HIBCH: variants seen among roughly 807,000 people sequenced by gnomAD.
The protein encoded by HIBCH is 3-hydroxyisobutyryl-CoA hydrolase, mitochondrial.
Under a neutral mutation model 58.2 loss-of-function variants are expected in HIBCH, and 50 were observed. The ratio of observed to expected loss-of-function variants is 0.86; its 90% confidence interval spans 0.68 to 1.09. The LOEUF (loss-of-function observed/expected upper bound fraction) is 1.09. HIBCH is among the 50% of genes least tolerant of loss of function. The probability of loss-of-function intolerance (pLI) is 0.00; values close to 1 mark genes in which losing one functional copy is unlikely to be tolerated. For missense variants in HIBCH, 450 were observed against 449.7 expected (o/e 1.00, Z -0.01); for synonymous variants, 151 against 146.9 (o/e 1.03, Z -0.20).
intron 11 of HIBCH, among the ~76,000 whole-genome samples, chr2:190,224,385 G>C (rs370002095): frequency 8.5e-5 from 13 of 152,090 alleles, no homozygotes; most frequent in African/African-American, 3.1e-4. Flanking sequence ...GTATTCAGGA[G>C]ACCCATCTCA....
chr2:190,273,218 C>T (rs1480813184), intron 6 of HIBCH, among the ~76,000 whole-genome samples: 1 of 151,878 alleles, frequency 6.6e-6, no homozygotes, highest in African/African-American at 2.4e-5. Context: ...CATGGTGAAA[C>T]CTCAACTCTA....
chr2:190,259,584 A>G (rs1160295758), intron 7 of HIBCH, among the ~76,000 whole-genome samples: 5 of 152,084 alleles, frequency 3.3e-5, no homozygotes, highest in Non-Finnish European at 5.9e-5. Context: ...ACTTGGTTAA[A>G]TTTATTTCTA....
rs3791787 is a variant in HIBCH, at chr2:190,206,447, C to T, written c.1046-1215G>A. On this transcript the variant is annotated intron_variant, in intron 13 of 13. Transcript: ENST00000359678. The surrounding 1 kb of genome is among the most constrained non-coding windows in gnomAD (Gnocchi z 5.1). ...TTGAGATCCCACTGAAGGACAAGAG[C>T]AAAGAGACTATTAATCAAATTTGTT... is the stretch of plus-strand genomic sequence containing the variant. 2.0e-3 allele frequency among the ~76,000 whole-genome samples: 311 copies of T among 152,288 alleles called. 6 individuals carry two copies. In the East Asian group the frequency reaches 0.047, roughly 23 times the overall value.
chr2:190,239,869 C>T (rs572261260), intron 11 of HIBCH, among the ~76,000 whole-genome samples: 14 of 152,188 alleles, frequency 9.2e-5, no homozygotes, highest in East Asian at 3.9e-4. Context: ...AGGCGGGTCT[C>T]GAACTCCTGA....
chr2:190,219,429 T>C (rs1419533434), intron 11 of HIBCH, among the ~76,000 whole-genome samples: 1 of 152,176 alleles, frequency 6.6e-6, no homozygotes, highest in East Asian at 1.9e-4. Flanking sequence ...TGATGCCGCT[T>C]GTTGGCCTCC....
Position 190,243,310 on chromosome 2 carries a change from C to T in HIBCH, c.891+1577G>A, listed in dbSNP as rs2105931742. Among the ~76,000 whole-genome samples the T allele has an allele frequency of 6.6e-6, 1 of 152,324 alleles. No individual in the cohort carries two copies. The highest frequency in any genetic ancestry group is 2.1e-4 in the South Asian group (1 of 4,830). On this transcript the variant is annotated intron_variant, in intron 11 of 13. Coordinates refer to ENST00000359678, the MANE Select transcript of HIBCH (RefSeq NM_014362.4). The surrounding 1 kb of genome is among the most constrained non-coding windows in gnomAD (Gnocchi z 4.1). ...GCCCTTGAACATCAGACCCCAAGTT[C>T]TTCAGTTTTGATACTCAGACTGGTC... is the stretch of plus-strand genomic sequence containing the variant.
rs777484569 is a variant in HIBCH at position 190,294,632 on chromosome 2, T to C, written c.220-2A>G. 4 of 1,597,500 alleles carry C rather than the reference T, an allele frequency of 2.5e-6. No homozygotes were observed. In the East Asian group the frequency reaches 8.9e-5, roughly 36 times the overall value. On this transcript the variant is annotated splice_acceptor_variant, in intron 3 of 13. Coordinates refer to ENST00000359678, the MANE Select transcript of HIBCH (RefSeq NM_014362.4). LOFTEE classifies it high-confidence loss of function. The stretch of plus-strand genomic sequence containing the variant: ...AGTTTCAGGATCTTGTTCCCACTTC[T>C]ATTCAAATGTAACAGAAGATGGTAT...
At chr2:190,292,259 A>G (rs1056435832) in intron 4 of HIBCH, among the ~76,000 whole-genome samples, 2 of 151,632 alleles carry the variant, frequency 1.3e-5, no homozygotes, top group Non-Finnish European at 2.9e-5. Flanking sequence ...GAATTCTGAT[A>G]TCTCTTCCTT....
At chr2:190,202,640 T>G (rs560097625), downstream of HIBCH, 1 of 167,020 alleles carries the variant, frequency 6.0e-6, no homozygotes, top group Non-Finnish European at 1.5e-5. Flanking sequence ...GTAGAAGGAC[T>G]GTCTGAGAAG....
intron 1 of HIBCH, among the ~76,000 whole-genome samples, chr2:190,196,658 G>C (rs549514244): frequency 3.0e-4 from 46 of 151,826 alleles, no homozygotes; most frequent in African/African-American, 1.1e-3. Flanking sequence ...CCTTTAAATG[G>C]TATTGTTTTA....
intron 13 of HIBCH, 196 bp downstream of exon 13, chr2:190,208,684 T>TTTC (rs1690450824): frequency 1.7e-6 from 1 of 579,714 alleles, no homozygotes; most frequent in African/African-American, 1.9e-5. Flanking sequence ...TTTTTTTTTT[T>TTTC]CAGATTTTGG....
At chr2:190,203,103 T>C (rs1359217480), downstream of HIBCH, 1 of 167,122 alleles carries the variant, frequency 6.0e-6, no homozygotes, top group Non-Finnish European at 1.5e-5. Flanking sequence ...GATACGCATA[T>C]ATCCTACTCA....
At chr2:190,200,383 T>C (rs967979746), downstream of HIBCH, 2 of 459,730 alleles carry the variant, frequency 4.4e-6, no homozygotes, top group Non-Finnish European at 8.1e-6. Flanking sequence ...AGAGGTCCTG[T>C]GACACCCAAT....
intron 9 of HIBCH, among the ~76,000 whole-genome samples, chr2:190,249,056 A>G (rs549194688): frequency 4.6e-5 from 7 of 152,090 alleles, no homozygotes; most frequent in Non-Finnish European, 1.0e-4. Flanking sequence ...AAGCTTCCAA[A>G]ATACTAACAT....
chr2:190,299,151 T>C (rs1374469991), intron 2 of HIBCH, among the ~76,000 whole-genome samples: 1 of 152,208 alleles, frequency 6.6e-6, no homozygotes, highest in Non-Finnish European at 1.5e-5. Context: ...AAATTTTAAC[T>C]GGAGAATGCC....
At chr2:190,239,957 A>T (rs947840647) in intron 11 of HIBCH, among the ~76,000 whole-genome samples, 4 of 151,466 alleles carry the variant, frequency 2.6e-5, no homozygotes, top group African/African-American at 9.7e-5. Context: ...GCCTTGAAAT[A>T]TTTTTTTATT....
At chr2:190,274,744 CAACTCGAAAGGATGT>C (rs1687500804) in intron 6 of HIBCH, among the ~76,000 whole-genome samples, 1 of 152,158 alleles carries the variant, frequency 6.6e-6, no homozygotes, top group Admixed American at 6.5e-5. Context: ...ATAGCAACTT[CAACTCGAAAGGATGT>C]GAAGGAAGGT....
intron 1 of HIBCH, among the ~76,000 whole-genome samples, chr2:190,193,153 T>C (rs1333490398): frequency 1.3e-5 from 2 of 152,140 alleles, no homozygotes; most frequent in Non-Finnish European, 2.9e-5. Flanking sequence ...AATACTTTGC[T>C]GGGATTTTAA....
At chr2:190,252,751 T>C (rs1307028203) in intron 7 of HIBCH, among the ~76,000 whole-genome samples, 1 of 152,192 alleles carries the variant, frequency 6.6e-6, no homozygotes, top group East Asian at 1.9e-4. Context: ...CCTTAGTCAA[T>C]TATCTAATAT....
Sources: gnomAD v4.1 joint callset for allele counts (sites outside exome capture counted in the v4.1 genomes callset) on GRCh38, gnomAD v4.1.1 for gene constraint, Gnocchi (gnomAD v3.1) non-coding constraint, MANE v1.5 for transcripts, NCBI Gene and HGNC (gene_info 2026-07-23, HGNC 2026-07-21) for gene names.